SYT1: variants seen among roughly 807,000 people sequenced by gnomAD.
SYT1 encodes the protein synaptotagmin-1.
SYT1 carries 8 observed loss-of-function variants against 44.8 expected under a neutral mutation model. The ratio of observed to expected loss-of-function variants is 0.18; its 90% CI spans 0.10 to 0.32. The LOEUF (loss-of-function observed/expected upper bound fraction) is 0.32. SYT1 is among the 10% of genes least tolerant of loss of function. The pLI is 1.00. For synonymous variants in SYT1, 154 were observed against 188.8 expected (o/e 0.82, Z 1.51); for missense variants, 286 against 509.3 (o/e 0.56, Z 4.22).
chr12:79,315,703 A>G (rs994607549), intron 8 of SYT1, among the ~76,000 whole-genome samples: 1 of 152,134 alleles, frequency 6.6e-6, no homozygotes, highest in African/African-American at 2.4e-5. Context: ...CTCCAAAATC[A>G]CACTCCTTAT....
intron 1 of SYT1, among the ~76,000 whole-genome samples, chr12:78,968,033 G>T (rs1375017420): frequency 6.6e-6 from 1 of 151,962 alleles, no homozygotes; most frequent in East Asian, 1.9e-4. Flanking sequence ...GGATGGAATG[G>T]GGAACCTAGA....
At chr12:78,887,340 C>T (rs983355636) in intron 1 of SYT1, among the ~76,000 whole-genome samples, 1 of 151,954 alleles carries the variant, frequency 6.6e-6, no homozygotes, top group Admixed American at 6.6e-5. Context: ...CCTTATTTTA[C>T]TTAATAATGG....
Position 79,187,496 on chromosome 12 carries a change from G to A in SYT1, c.-17-30007G>A, listed in dbSNP as rs142673661. Among the ~76,000 whole-genome samples the A allele has an allele frequency of 2.1e-3, 312 of 152,106 alleles. 1 individual carries two copies. The highest frequency in any genetic ancestry group is 7.1e-3 in the African/African-American group (295 of 41,530). Reference sequence around the variant, plus strand: ...AAGCACCTGGGATTTAATTCCTGCCGGATTTCATACATTCACATTAATTTT... The same window carrying A: ...AAGCACCTGGGATTTAATTCCTGCCAGATTTCATACATTCACATTAATTTT... On this transcript the variant is annotated intron_variant, in intron 3 of 10. Transcript: ENST00000261205.
intron 9 of SYT1, among the ~76,000 whole-genome samples, chr12:79,362,009 A>T (rs544684045): frequency 4.6e-5 from 7 of 152,332 alleles, no homozygotes; most frequent in African/African-American, 1.7e-4. Flanking sequence ...ATATATAAAT[A>T]CTAAAATTAA....
intron 3 of SYT1, among the ~76,000 whole-genome samples, chr12:79,133,744 G>A (rs1869004142): frequency 6.6e-6 from 1 of 152,200 alleles, no homozygotes; most frequent in African/African-American, 2.4e-5. Context: ...GCATCCTGGT[G>A]ACTGGGAAAT....
At chr12:78,992,524 G>A (rs1197789577) in intron 2 of SYT1, among the ~76,000 whole-genome samples, 1 of 152,206 alleles carries the variant, frequency 6.6e-6, no homozygotes, top group Non-Finnish European at 1.5e-5. Context: ...GTATTGCTTT[G>A]TGAAACTTTG....
chr12:78,915,775 T>C (rs1324224319), intron 1 of SYT1, among the ~76,000 whole-genome samples: 1 of 152,036 alleles, frequency 6.6e-6, no homozygotes, highest in African/African-American at 2.4e-5. Context: ...ATATTTAAAA[T>C]GACTCTGCTT....
intron 3 of SYT1, among the ~76,000 whole-genome samples, chr12:79,063,442 A>G (rs142905187): frequency 5.3e-5 from 8 of 152,164 alleles, no homozygotes; most frequent in African/African-American, 1.2e-4. Context: ...CATAGCTGCT[A>G]TTTCCTGCTC....
At chr12:79,308,238 G>A (rs73351067) in intron 8 of SYT1, among the ~76,000 whole-genome samples, 2,891 of 152,204 alleles carry the variant, frequency 0.019, 109 homozygotes, top group African/African-American at 0.064. Flanking sequence ...GTGGAAGTGC[G>A]GAGAGGCAGG....
At chr12:79,086,912 C>A (rs2137979566) in intron 3 of SYT1, among the ~76,000 whole-genome samples, 1 of 152,238 alleles carries the variant, frequency 6.6e-6, no homozygotes, top group Non-Finnish European at 1.5e-5. Context: ...TTTTCTACTT[C>A]AAATTAATCT....
At chr12:78,879,445 C>G (rs1293901430) in intron 1 of SYT1, among the ~76,000 whole-genome samples, 2 of 151,680 alleles carry the variant, frequency 1.3e-5, no homozygotes, top group Non-Finnish European at 1.5e-5. Flanking sequence ...TATTTAGAAG[C>G]CTGAAAGACA....
chr12:78,983,971 A>G (rs1869452650), intron 2 of SYT1, among the ~76,000 whole-genome samples: 1 of 152,012 alleles, frequency 6.6e-6, no homozygotes, highest in Non-Finnish European at 1.5e-5. Context: ...AATTAATGAT[A>G]CTGTCCTTTT....
At position 79,008,363 on chromosome 12, in the gene SYT1, G is replaced by T. The variant is rs147038298; in HGVS notation, c.-84+30432G>T. ...ATTGGATGAAATAGGCATGACCACA[G>T]CATGTAGAATCGTATAAGCCATGAC... On this transcript the variant is annotated intron_variant, in intron 2 of 10. Transcript: ENST00000261205. Among the ~76,000 whole-genome samples, 8 of 152,222 alleles carry T rather than the reference G, an allele frequency of 5.3e-5. No individual in the cohort carries two copies. The East Asian group carries it at 1.5e-3, about 29-fold the overall frequency.
At chr12:79,434,538 A>G (rs1869979756) in intron 9 of SYT1, among the ~76,000 whole-genome samples, 1 of 152,236 alleles carries the variant, frequency 6.6e-6, no homozygotes, top group African/African-American at 2.4e-5. Flanking sequence ...AATTATTTGT[A>G]TAGTATTAAA....
chr12:78,969,102 T>C (rs913447723), intron 1 of SYT1, among the ~76,000 whole-genome samples: 1 of 152,240 alleles, frequency 6.6e-6, no homozygotes, highest in Non-Finnish European at 1.5e-5. Flanking sequence ...TTTTTCATGT[T>C]CTATTTCCTG....
chr12:79,401,761 C>T lies in SYT1; in HGVS notation c.929-42312C>T, dbSNP rs191883278. 1.8e-3 allele frequency among the ~76,000 whole-genome samples: 272 copies of T among 151,690 alleles called. 1 individual carries two copies. The highest frequency in any genetic ancestry group is 3.6e-3 in the Admixed American group (55 of 15,232). On this transcript the variant is annotated intron_variant, in intron 9 of 10. Coordinates refer to ENST00000261205, the MANE Select transcript of SYT1 (RefSeq NM_005639.3). Reference sequence around the variant, plus strand: ...CATAGCTCACTGTAGCCTCTAACTCCTGGGCTCAAGAGATCCTCCTGCCTC... The same window carrying T: ...CATAGCTCACTGTAGCCTCTAACTCTTGGGCTCAAGAGATCCTCCTGCCTC...
At chr12:79,334,462 G>C (rs1440822388) in intron 8 of SYT1, among the ~76,000 whole-genome samples, 1 of 152,194 alleles carries the variant, frequency 6.6e-6, no homozygotes, top group South Asian at 2.1e-4. Flanking sequence ...GAACGAGAAT[G>C]GTCAGGGAAA....
chr12:78,949,786 CAG>C (rs1381273657), intron 1 of SYT1, among the ~76,000 whole-genome samples: 1 of 151,920 alleles, frequency 6.6e-6, no homozygotes, highest in Non-Finnish European at 1.5e-5. Context: ...AGAGAAGCCA[CAG>C]AGGATAGTAG....
intron 7 of SYT1, 75 bp downstream of exon 7, chr12:79,296,311 A>G (rs1565895898): frequency 2.1e-6 from 3 of 1,432,958 alleles, no homozygotes; most frequent in Non-Finnish European, 2.8e-6. Flanking sequence ...TGACACATAC[A>G]TAGACATGCA....
Sources: gnomAD v4.1 joint callset for allele counts (sites outside exome capture counted in the v4.1 genomes callset) on GRCh38, gnomAD v4.1.1 for gene constraint, MANE v1.5 for transcripts, NCBI Gene and HGNC (gene_info 2026-07-23, HGNC 2026-07-21) for gene names.